Variants in APBB3 observed in about 807,000 individuals in gnomAD.
The protein encoded by APBB3 is amyloid beta precursor protein binding family B member 3, also known as amyloid-beta A4 precursor protein-binding family B member 3.
A neutral mutation model predicts 61.5 loss-of-function variants in APBB3; 50 were observed. The ratio of observed to expected loss-of-function variants is 0.81; its 90% confidence interval spans 0.65 to 1.03. APBB3 has a LOEUF of 1.03. APBB3 is among the 50% of genes least tolerant of loss of function. The probability of loss-of-function intolerance (pLI) is 0.00; values close to 1 mark genes in which losing one functional copy is unlikely to be tolerated. For missense variants in APBB3, 550 were observed against 637.4 expected (o/e 0.86, Z 1.48); for synonymous variants, 235 against 233.0 (o/e 1.01, Z -0.08).
chr5:140,560,773 C>A lies in APBB3; in HGVS notation c.917-19G>T. 3.1e-6 allele frequency: 5 copies of A among 1,602,628 alleles called. No individual in the cohort carries two copies. The highest frequency in any genetic ancestry group is 4.3e-6 in the Non-Finnish European group (5 of 1,169,860). Reference sequence around the variant, plus strand: ...TCCATGCCTGGGGGAACATACCCAGCGTGTCTCCCAGTGTAAAAGAAAGAG... The same window carrying A: ...TCCATGCCTGGGGGAACATACCCAGAGTGTCTCCCAGTGTAAAAGAAAGAG... On this transcript the variant is annotated intron_variant, in intron 10 of 12. Coordinates refer to ENST00000357560, the MANE Select transcript of APBB3 (RefSeq NM_133173.3). The surrounding 1 kb of genome is among the most constrained non-coding windows in gnomAD (Gnocchi z 5.1).
At chr5:140,558,879 G>T in intron 12 of APBB3, 58 bp from the exon 13 acceptor site, 1 of 1,487,204 alleles carries the variant, frequency 6.7e-7, no homozygotes, top group Non-Finnish European at 9.4e-7. Flanking sequence ...CTCCCTGAAA[G>T]CTTCTGCAGG....
chr5:140,562,325 A>G, intron 5 of APBB3, 28 bp downstream of exon 5: 1 of 1,613,034 alleles, frequency 6.2e-7, no homozygotes, highest in Middle Eastern at 1.7e-4. Context: ...CCCTGGGCCC[A>G]AACCATTAAA....
chr5:140,561,278 A>G (rs1431767878), intron 9 of APBB3, 87 bp downstream of exon 9: 2 of 1,530,168 alleles, frequency 1.3e-6, no homozygotes, highest in Non-Finnish European at 9.0e-7. Context: ...ATTTATCCAC[A>G]GAAGTATTAA....
In APBB3 at chr5:140,560,706, T is replaced by C. The variant is rs774769274; in HGVS notation, c.965A>G (p.Asp322Gly). Residue 322 changes from aspartate to glycine, a missense_variant, in exon 11 of 13, where the codon GAC becomes GGC. By Grantham distance (94) the Asp-to-Gly change is moderately conservative. Transcript: ENST00000357560. The surrounding 1 kb of genome is among the most constrained non-coding windows in gnomAD (Gnocchi z 5.1). ...CATGGTGGGGACCCAGGCATTCCGG[T>C]CCCCCCTGGCGGTGAGGGTACCAAT... ...EAIGTLTARG[D>G]RNAWVPTMLS... is the part of the protein sequence containing the mutation. 1 of 1,613,916 alleles carries C rather than the reference T, an allele frequency of 6.2e-7. No individual in the cohort carries two copies. The highest frequency in any genetic ancestry group is 1.7e-5 in the Admixed American group (1 of 59,982).
Position 140,561,073 on chromosome 5 carries a change from A to G in APBB3, c.861T>C (p.Ala287=), listed in dbSNP as rs1457494822. 10 of 1,613,932 alleles carry G rather than the reference A, an allele frequency of 6.2e-6. No homozygotes were observed. The highest frequency in any genetic ancestry group is 1.3e-5 in the African/African-American group (1 of 74,912). ...QVELLDAVSQ[A]AQKYEALYMG... is the part of the protein sequence containing the mutation. ...TATACAGTGCCTCGTACTTCTGAGC[A>G]GCTTGGCTTACCGCATCCAGCAGCT... The change falls in exon 10 of 13, where the codon GCT becomes GCC. Residue 287 remains alanine, a synonymous_variant. Transcript: ENST00000357560.
chr5:140,561,880 G>C (rs765720098), intron 6 of APBB3, 31 bp from the exon 7 acceptor site: 2 of 1,613,552 alleles, frequency 1.2e-6, no homozygotes, highest in South Asian at 2.2e-5. Flanking sequence ...AGCACAGAAG[G>C]GAATCAGCCC....
In APBB3 at chr5:140,560,893, G is replaced by A; in HGVS notation, c.916+125C>T. 11 of 1,377,958 alleles carry A rather than the reference G, an allele frequency of 8.0e-6. No homozygotes were observed. Among genetic ancestry groups the A allele is most frequent in the Non-Finnish European group, 1.1e-5 (11 of 988,894 alleles). 85.4% of individuals were successfully genotyped at this position (1,377,958 alleles called of 1,614,324 possible). A position where few individuals can be genotyped will look rare whatever the true frequency, so the allele number is the denominator to read the frequency against. On this transcript the variant is annotated intron_variant, in intron 10 of 12. Transcript: ENST00000357560. This position sits in a 1 kb window ranked among gnomAD's most constrained non-coding sequence, Gnocchi z 5.1. Reference sequence around the variant, plus strand: ...AAGCCTTAGAATTCTGATTTGGGAAGGCTGGTAGACCCCAGGCCATAACAA... The same window carrying A: ...AAGCCTTAGAATTCTGATTTGGGAAAGCTGGTAGACCCCAGGCCATAACAA...
Position 140,563,904 on chromosome 5 carries a change from C to G in APBB3, c.61G>C (p.Gly21Arg), listed in dbSNP as rs765738717. The G allele has an allele frequency of 6.2e-7, 1 of 1,613,646 alleles. No individual in the cohort carries two copies. Among genetic ancestry groups the G allele is most frequent in the East Asian group, 2.2e-5 (1 of 44,882 alleles). ...ILVNCDDDLW[G>R]DHSLEVEAGL... ...GCCTCCACCTCCAGACTGTGGTCCC[C>G]CCACAAGTCATCTACAGGAACACCG... The change falls in exon 2 of 13, where the codon GGG becomes CGG. Residue 21 changes from glycine to arginine, a missense_variant. By Grantham distance (125) the Gly-to-Arg change is moderately radical. Coordinates refer to ENST00000357560, the MANE Select transcript of APBB3 (RefSeq NM_133173.3).
rs572880199 is a variant in APBB3, at chr5:140,560,988, C to T, written c.916+30G>A. On this transcript the variant is annotated intron_variant, in intron 10 of 12. Coordinates refer to ENST00000357560, the MANE Select transcript of APBB3 (RefSeq NM_133173.3). The surrounding 1 kb of genome is among the most constrained non-coding windows in gnomAD (Gnocchi z 5.1). ...CTCACCTTCCCCTTGCCTCACACAG[C>T]CCACCACATGCAGCCCCCTCAGTCC... The T allele has an allele frequency of 9.3e-6, 15 of 1,606,456 alleles. No individual in the cohort carries two copies. In the South Asian group the frequency reaches 1.5e-4, roughly 16 times the overall value.
rs917152798 is a variant in APBB3, at chr5:140,562,126, C to T, written c.600G>A (p.Val200=). ...GGCCCTTGGAGCTCCCCACGCCCCA[C>T]ACACGGATGTGCACCAGAGGCTGGC... The part of the protein sequence containing the change: ...IHCQPLVHIR[V]WGVGSSKGRD... Residue 200 remains valine (V), a synonymous_variant, in exon 6 of 13, where the codon GTG becomes GTA. Coordinates refer to ENST00000357560, the MANE Select transcript of APBB3 (RefSeq NM_133173.3). 2 of 1,614,170 alleles carry T rather than the reference C, an allele frequency of 1.2e-6. No homozygotes were observed. The highest frequency in any genetic ancestry group is 3.3e-5 in the Admixed American group (2 of 60,028).
In APBB3 at chr5:140,558,389, G is replaced by A; in HGVS notation, c.*196C>T. Reference sequence around the variant, plus strand: ...AAGGACCCAAGGAAAGGGGAGCCAGGGTCCTACGTTGTGGTGCAGTGCCTC... The same window carrying A: ...AAGGACCCAAGGAAAGGGGAGCCAGAGTCCTACGTTGTGGTGCAGTGCCTC... On this transcript the variant is annotated 3_prime_UTR_variant, in exon 13 of 13. Coordinates refer to ENST00000357560, the MANE Select transcript of APBB3 (RefSeq NM_133173.3). 4.3e-6 allele frequency: 3 copies of A among 690,396 alleles called. No homozygotes were observed. In the South Asian group the frequency reaches 5.1e-5, roughly 12 times the overall value. The allele number at this position is 690,396 out of a possible 1,614,324, so 42.8% of individuals were successfully genotyped here.
At chr5:140,563,310 G>A (rs1755050803) in intron 3 of APBB3, 1 of 481,056 alleles carries the variant, frequency 2.1e-6, no homozygotes, top group Non-Finnish European at 3.7e-6. Flanking sequence ...ACCCCAAAGT[G>A]GGACAAGAGA....
chr5:140,558,578 G>T lies in APBB3; in HGVS notation c.*7C>A. 6.2e-7 allele frequency: 1 copy of T among 1,613,728 alleles called. No homozygotes were observed. On this transcript the variant is annotated 3_prime_UTR_variant, in exon 13 of 13. Coordinates refer to ENST00000357560, the MANE Select transcript of APBB3 (RefSeq NM_133173.3). Reference sequence around the variant, plus strand: ...AGAGCCTACTTCCCCAGCCTTCCCAGATAAGTTTAGGGCATATGGAGCAGA... The same window carrying T: ...AGAGCCTACTTCCCCAGCCTTCCCATATAAGTTTAGGGCATATGGAGCAGA...
In APBB3 at chr5:140,562,668, C is replaced by A. The variant is rs773371197; in HGVS notation, c.346G>T (p.Ala116Ser). 6.2e-7 allele frequency: 1 copy of A among 1,614,208 alleles called. No individual in the cohort carries two copies. The highest frequency in any genetic ancestry group is 8.5e-7 in the Non-Finnish European group (1 of 1,180,022). Residue 116 changes from alanine (A) to serine (S), a missense_variant, in exon 4 of 13, where the codon GCT becomes TCT. Ala to Ser is a moderately conservative substitution (Grantham distance 99, BLOSUM62 1). Transcript: ENST00000357560. ...CCTCAGGCCCAAGTCACTACCTTAG[C>A]CCCTGGCTCCATGCTCTGGATGTAG... ...ESYIQSMEPG[A>S]KCFAVRSLGW...
chr5:140,560,433 G>T lies in APBB3; in HGVS notation c.1104C>A (p.Gly368=). 1.2e-6 allele frequency: 2 copies of T among 1,614,150 alleles called. No homozygotes were observed. The highest frequency in any genetic ancestry group is 1.7e-6 in the Non-Finnish European group (2 of 1,180,036). The change falls in exon 12 of 13, where the codon GGC becomes GGA. Residue 368 remains glycine, a synonymous_variant. Coordinates refer to ENST00000357560, the MANE Select transcript of APBB3 (RefSeq NM_133173.3). This position sits in a 1 kb window ranked among gnomAD's most constrained non-coding sequence, Gnocchi z 5.1. ...PVRLVTFIGV[G]RDPHTFGLIA... ...TGAGGCCAAAGGTGTGTGGGTCGCGGCCAACACCAATAAATGTCACAAGGC... is the reference window on the plus strand; with the variant it reads ...TGAGGCCAAAGGTGTGTGGGTCGCGTCCAACACCAATAAATGTCACAAGGC...
At chr5:140,561,725 G>A (rs369537645) in intron 7 of APBB3, 24 bp from the exon 8 acceptor site, 1 of 1,614,078 alleles carries the variant, frequency 6.2e-7, no homozygotes, top group African/African-American at 1.3e-5. Context: ...AGATGGGGCT[G>A]GGGTAGAAGC....
intron 7 of APBB3, 44 bp from the exon 8 acceptor site, chr5:140,561,745 G>A (rs1230836882): frequency 6.2e-7 from 1 of 1,614,102 alleles, no homozygotes; most frequent in South Asian, 1.1e-5. Flanking sequence ...CTGGTTAGAG[G>A]CAGGAGCCTG....
In APBB3 at chr5:140,564,412, C is replaced by CG. The variant is rs1561876770; in HGVS notation, c.-168dup. ...CACGGGGCGGGACACGGGCCGGTCC[C>CG]GGGGGAGGGCCTGAGCCGCACAGCC... is the stretch of plus-strand genomic sequence containing the variant. On this transcript the variant is annotated 5_prime_UTR_variant, in exon 1 of 13. Transcript: ENST00000357560. The surrounding 1 kb of genome is among the most constrained non-coding windows in gnomAD (Gnocchi z 5.0). 4 of 782,750 alleles carry CG rather than the reference C, an allele frequency of 5.1e-6. No individual in the cohort carries two copies. In the East Asian group the frequency reaches 8.1e-5, roughly 16 times the overall value. 48.5% of individuals were successfully genotyped at this position (782,750 alleles called of 1,614,324 possible). A position where few individuals can be genotyped will look rare whatever the true frequency, so the allele number is the denominator to read the frequency against.
chr5:140,562,946 AGAATAAAAG>A, intron 3 of APBB3: 1 of 558,476 alleles, frequency 1.8e-6, no homozygotes, highest in Non-Finnish European at 3.2e-6. Flanking sequence ...CACAGGACAT[AGAATAAAAG>A]TCACAAGGCT....
Sources: gnomAD v4.1 joint callset for allele counts on GRCh38, gnomAD v4.1.1 for gene constraint, Gnocchi (gnomAD v3.1) non-coding constraint, MANE v1.5 for transcripts, NCBI Gene and HGNC (gene_info 2026-07-23, HGNC 2026-07-21) for gene names.